ATXN1: variants seen among roughly 807,000 people sequenced by gnomAD.
ATXN1 encodes ataxin 1.
ATXN1 carries 8 observed loss-of-function variants against 56.4 expected under a neutral mutation model. That is an observed-to-expected ratio of 0.14 (90% CI 0.08 to 0.26). The LOEUF (loss-of-function observed/expected upper bound fraction) is 0.26. Ranked by LOEUF, ATXN1 falls within the 10% of genes least tolerant of loss-of-function variation. The pLI is 1.00. For missense variants in ATXN1, 987 were observed against 1,106.5 expected, an observed-to-expected ratio of 0.89 and a Z score of 1.53; for synonymous variants, 514 against 494.6, an observed-to-expected ratio of 1.04 and a Z score of -0.52.
chr6:16,340,375 C>A (rs950163946), intron 6 of ATXN1, among the ~76,000 whole-genome samples: 1 of 152,204 alleles, frequency 6.6e-6, no homozygotes, highest in Non-Finnish European at 1.5e-5. Context: ...CTGAGGTTCG[C>A]GTGAGCTTCC....
chr6:16,322,332 C>G (rs996540417), intron 7 of ATXN1, among the ~76,000 whole-genome samples: 2 of 152,120 alleles, frequency 1.3e-5, no homozygotes, highest in Non-Finnish European at 2.9e-5. Flanking sequence ...ACTTGTCCTG[C>G]CAGAGACCCA....
At chr6:16,406,881 T>G (rs375894494) in intron 6 of ATXN1, among the ~76,000 whole-genome samples, 6 of 152,144 alleles carry the variant, frequency 3.9e-5, no homozygotes, top group African/African-American at 1.2e-4. Flanking sequence ...GACATAGCAG[T>G]AGGGTGGACG....
intron 3 of ATXN1, among the ~76,000 whole-genome samples, chr6:16,586,579 T>C (rs933470067): frequency 2.0e-5 from 3 of 152,218 alleles, no homozygotes; most frequent in African/African-American, 7.2e-5. Flanking sequence ...CTCTGCATTA[T>C]TGACAAGAAA....
At chr6:16,678,615 G>T (rs1211354111) in intron 2 of ATXN1, among the ~76,000 whole-genome samples, 2 of 152,200 alleles carry the variant, frequency 1.3e-5, no homozygotes, top group African/African-American at 4.8e-5. Flanking sequence ...TCATTCCTAA[G>T]AGATTGGAAT....
At chr6:16,590,912 C>T (rs971861735) in intron 3 of ATXN1, among the ~76,000 whole-genome samples, 1 of 151,468 alleles carries the variant, frequency 6.6e-6, no homozygotes, top group Non-Finnish European at 1.5e-5. Context: ...GCGCAATCTC[C>T]ACTCACCATA....
chr6:16,715,581 T>C (rs558693403), intron 2 of ATXN1, among the ~76,000 whole-genome samples: 1 of 152,326 alleles, frequency 6.6e-6, no homozygotes, highest in South Asian at 2.1e-4. Flanking sequence ...TGTGAATGAA[T>C]TCTGGCTAAT....
chr6:16,438,549 A>G (rs766298283), intron 6 of ATXN1, among the ~76,000 whole-genome samples: 1 of 152,228 alleles, frequency 6.6e-6, no homozygotes, highest in Non-Finnish European at 1.5e-5. Context: ...ATTAGTTTTA[A>G]TTAGAAATGA....
At chr6:16,323,946 A>G (rs1760744435) in intron 7 of ATXN1, among the ~76,000 whole-genome samples, 1 of 151,916 alleles carries the variant, frequency 6.6e-6, no homozygotes, top group East Asian at 1.9e-4. Context: ...TTTTTTTTAA[A>G]TAAGATCTTT....
chr6:16,356,576 T>C (rs2113468110), intron 6 of ATXN1, among the ~76,000 whole-genome samples: 1 of 152,276 alleles, frequency 6.6e-6, no homozygotes, highest in Admixed American at 6.5e-5. Context: ...TGAATTACAA[T>C]ACCTCAGTTT....
intron 5 of ATXN1, among the ~76,000 whole-genome samples, chr6:16,514,670 T>G (rs1208344140): frequency 6.6e-6 from 1 of 152,018 alleles, no homozygotes; most frequent in Non-Finnish European, 1.5e-5. Context: ...TCCCAGGCAA[T>G]CCCTGGGTTC....
intron 2 of ATXN1, among the ~76,000 whole-genome samples, chr6:16,660,832 G>GTTTTTTTTTTT (rs754718969): frequency 1.1e-5 from 1 of 93,020 alleles, no homozygotes; most frequent in Non-Finnish European, 2.1e-5. Context: ...TTTTGTTTTG[G>GTTTTTTTTTTT]TTTTTTTTTT....
intron 5 of ATXN1, among the ~76,000 whole-genome samples, chr6:16,514,996 A>AATC (rs1177497252): frequency 6.6e-6 from 1 of 151,084 alleles, no homozygotes; most frequent in African/African-American, 2.4e-5. Flanking sequence ...TAATAATAAT[A>AATC]ATAATAATTA....
At chr6:16,491,281 T>TAATA (rs58463209) in intron 5 of ATXN1, among the ~76,000 whole-genome samples, 1 of 115,046 alleles carries the variant, frequency 8.7e-6, no homozygotes, top group Admixed American at 9.1e-5. Flanking sequence ...ATTATTATTT[T>TAATA]TTTTTTTTTT....
intron 6 of ATXN1, chr6:16,485,046 G>C (rs1760518289): frequency 6.8e-6 from 1 of 146,618 alleles, no homozygotes; most frequent in Non-Finnish European, 1.5e-5. Context: ...AGAAATATAT[G>C]TATTTATATA....
At chr6:16,747,679 A>C (rs1760580436) in intron 2 of ATXN1, among the ~76,000 whole-genome samples, 2 of 152,000 alleles carry the variant, frequency 1.3e-5, no homozygotes, top group African/African-American at 4.8e-5. Flanking sequence ...AAAAAACAAA[A>C]GTCCTCAGTA....
intron 5 of ATXN1, among the ~76,000 whole-genome samples, chr6:16,504,365 A>T (rs1367981628): frequency 6.6e-6 from 1 of 152,186 alleles, no homozygotes. Context: ...TAGCTTATAT[A>T]TGACAACCAT....
At chr6:16,507,203 T>A (rs1165024869) in intron 5 of ATXN1, among the ~76,000 whole-genome samples, 1 of 152,208 alleles carries the variant, frequency 6.6e-6, no homozygotes. Context: ...TTAATATCTG[T>A]TGTTATTCCT....
chr6:16,388,005 G>A (rs1185363285), intron 6 of ATXN1, among the ~76,000 whole-genome samples: 2 of 152,160 alleles, frequency 1.3e-5, no homozygotes, highest in Non-Finnish European at 2.9e-5. Context: ...AGTCAGTGGA[G>A]GAGCCAAGAT....
At chr6:16,516,515 G>C (rs1761186202) in intron 5 of ATXN1, among the ~76,000 whole-genome samples, 1 of 152,178 alleles carries the variant, frequency 6.6e-6, no homozygotes, top group Non-Finnish European at 1.5e-5. Flanking sequence ...TAGATGGCTG[G>C]ATAAAAAGAT....
Sources: allele counts gnomAD v4.1 joint callset (sites outside exome capture counted in the v4.1 genomes callset), GRCh38; gene constraint gnomAD v4.1.1; transcripts MANE v1.5; gene names NCBI Gene and HGNC (gene_info 2026-07-23, HGNC 2026-07-21).